The following ST6GALNAC3 variants were observed in gnomAD, a reference collection of about 807,000 sequenced individuals.
ST6GALNAC3 encodes the protein alpha-N-acetylgalactosaminide alpha-2,6-sialyltransferase 3.
Under a neutral mutation model 32.7 loss-of-function variants are expected in ST6GALNAC3, and 25 were observed. The ratio of observed to expected loss-of-function variants is 0.76; its 90% confidence interval spans 0.56 to 1.07. The LOEUF (loss-of-function observed/expected upper bound fraction) is 1.07. ST6GALNAC3 is among the 50% of genes least tolerant of loss of function. The pLI is 0.00. For synonymous variants in ST6GALNAC3, 129 were observed against 133.1 expected (o/e 0.97, Z 0.21); for missense variants, 355 against 382.4 (o/e 0.93, Z 0.60).
chr1:76,595,423 CT>C (rs1357883470), intron 3 of ST6GALNAC3, among the ~76,000 whole-genome samples: 1 of 152,136 alleles, frequency 6.6e-6, no homozygotes, highest in Non-Finnish European at 1.5e-5. Flanking sequence ...TATGCAGAGC[CT>C]TCTGACCTTT....
At chr1:76,364,755 G>GAAATCAAATCAAT (rs1210252331) in intron 2 of ST6GALNAC3, among the ~76,000 whole-genome samples, 1 of 152,070 alleles carries the variant, frequency 6.6e-6, no homozygotes, top group East Asian at 1.9e-4. Flanking sequence ...AATTATGAGA[G>GAAATCAAATCAAT]AAATGTAAAC....
At chr1:76,355,567 G>T (rs1325455564) in intron 2 of ST6GALNAC3, among the ~76,000 whole-genome samples, 1 of 152,192 alleles carries the variant, frequency 6.6e-6, no homozygotes, top group Non-Finnish European at 1.5e-5. Flanking sequence ...AGTAGCATCT[G>T]TAATGTGAAT....
At chr1:76,587,956 G>C (rs565968416) in intron 3 of ST6GALNAC3, among the ~76,000 whole-genome samples, 1 of 152,256 alleles carries the variant, frequency 6.6e-6, no homozygotes, top group African/African-American at 2.4e-5. Context: ...AGGGCACTAG[G>C]GGACCTATCC....
At chr1:76,269,689 C>T (rs952300711) in intron 1 of ST6GALNAC3, among the ~76,000 whole-genome samples, 6 of 152,138 alleles carry the variant, frequency 3.9e-5, no homozygotes, top group African/African-American at 1.4e-4. Flanking sequence ...AGTATAAGGC[C>T]ACATGCCATG....
chr1:76,412,442 A>G (rs1263989718), intron 3 of ST6GALNAC3, 25 bp downstream of exon 3: 1 of 1,552,512 alleles, frequency 6.4e-7, no homozygotes, highest in Non-Finnish European at 8.7e-7. Context: ...AAGCAGCTTT[A>G]TTGTCTTTTA....
At chr1:76,332,865 C>T (rs978147246) in intron 2 of ST6GALNAC3, among the ~76,000 whole-genome samples, 3 of 152,138 alleles carry the variant, frequency 2.0e-5, no homozygotes, top group Admixed American at 2.0e-4. Context: ...ACCTGGTAAA[C>T]TCCTTACCTT....
intron 3 of ST6GALNAC3, among the ~76,000 whole-genome samples, chr1:76,440,178 G>A (rs1424317774): frequency 6.6e-6 from 1 of 152,232 alleles, no homozygotes; most frequent in Admixed American, 6.5e-5. Context: ...GACGAAGCAT[G>A]GAAGTATGAA....
chr1:76,224,359 G>A lies in ST6GALNAC3; in HGVS notation c.19-89446G>A, dbSNP rs113726617. 5.3e-4 allele frequency among the ~76,000 whole-genome samples: 81 copies of A among 152,312 alleles called. 1 individual carries two copies. Among genetic ancestry groups the A allele is most frequent in the South Asian group, 4.6e-3 (22 of 4,826 alleles). On this transcript the variant is annotated intron_variant, in intron 1 of 4. Coordinates refer to ENST00000328299, the MANE Select transcript of ST6GALNAC3 (RefSeq NM_152996.4). ...CTATGCATTCCCAGCCCAGAGGAAG[G>A]TACTGGCCCAGAGTAAATGCTCATT...
intron 1 of ST6GALNAC3, among the ~76,000 whole-genome samples, chr1:76,118,511 T>G (rs6664446): frequency 0.21 from 32,362 of 152,114 alleles, 4,445 homozygotes; most frequent in African/African-American, 0.38. Context: ...TAGCAATTTT[T>G]CAGGGTTGGG....
rs397861238 is a variant in ST6GALNAC3 at position 76,478,760 on chromosome 1, CT to C, written c.623+66363del. On this transcript the variant is annotated intron_variant, in intron 3 of 4. Transcript: ENST00000328299. ...TATTCCTTCCCCTAGTTTATTAATTCTTTTTTTTTTTTTTTTTTTTGAGATG... is the reference window on the plus strand; with the variant it reads ...TATTCCTTCCCCTAGTTTATTAATTCTTTTTTTTTTTTTTTTTTTGAGATG... Among the ~76,000 whole-genome samples, 914 of 109,026 alleles carry C rather than the reference CT, an allele frequency of 8.4e-3. 3 individuals carry two copies. Among genetic ancestry groups the C allele is most frequent in the African/African-American group, 0.023 (622 of 26,926 alleles). The allele number at this position is 109,026 out of a possible 152,430, so 71.5% of individuals were successfully genotyped here.
chr1:76,543,272 G>A (rs191082824), intron 3 of ST6GALNAC3, among the ~76,000 whole-genome samples: 14 of 152,206 alleles, frequency 9.2e-5, no homozygotes, highest in Admixed American at 5.2e-4. Flanking sequence ...AGGGAAGGTC[G>A]GGAACTGGAA....
At chr1:76,169,136 G>A (rs1478218917) in intron 1 of ST6GALNAC3, among the ~76,000 whole-genome samples, 2 of 152,142 alleles carry the variant, frequency 1.3e-5, no homozygotes, top group African/African-American at 4.8e-5. Flanking sequence ...CTGTTGTAAG[G>A]TAGGTCTGGT....
At chr1:76,518,783 G>A (rs541406219) in intron 3 of ST6GALNAC3, among the ~76,000 whole-genome samples, 1 of 152,082 alleles carries the variant, frequency 6.6e-6, no homozygotes, top group South Asian at 2.1e-4. Context: ...GTGTCATTTA[G>A]TGGGGGCGCA....
intron 1 of ST6GALNAC3, among the ~76,000 whole-genome samples, chr1:76,122,233 G>A (rs1464836472): frequency 6.6e-6 from 1 of 152,194 alleles, no homozygotes; most frequent in East Asian, 1.9e-4. Flanking sequence ...TGAGTATGTA[G>A]AGGAAACCTG....
At chr1:76,259,068 C>G (rs1260946041) in intron 1 of ST6GALNAC3, among the ~76,000 whole-genome samples, 1 of 152,102 alleles carries the variant, frequency 6.6e-6, no homozygotes, top group Non-Finnish European at 1.5e-5. Flanking sequence ...TAAACAAAAC[C>G]TCGCTCACGA....
rs1193814239 is a variant in ST6GALNAC3 at position 76,342,020 on chromosome 1, C to T, written c.213+28021C>T. Among the ~76,000 whole-genome samples, 4 of 152,090 alleles carry T rather than the reference C, an allele frequency of 2.6e-5. No individual in the cohort carries two copies. In the East Asian group the frequency reaches 5.8e-4, roughly 22 times the overall value. ...TGATGGTTTCCAGCTTTATCCATGT[C>T]CCTGCAGAGGACATGAACTCATCCT... On this transcript the variant is annotated intron_variant, in intron 2 of 4. Coordinates refer to ENST00000328299, the MANE Select transcript of ST6GALNAC3 (RefSeq NM_152996.4).
chr1:76,195,704 C>T (rs2100520933), intron 1 of ST6GALNAC3, among the ~76,000 whole-genome samples: 1 of 152,322 alleles, frequency 6.6e-6, no homozygotes. Flanking sequence ...CTCACAAAGA[C>T]AGTTTTGACC....
intron 1 of ST6GALNAC3, among the ~76,000 whole-genome samples, chr1:76,119,806 A>C (rs140021925): frequency 0.98 from 148,700 of 151,944 alleles, 72,840 homozygotes; most frequent in East Asian, 1. Context: ...GATGATGATA[A>C]TAGATATATG....
chr1:76,472,085 A>T (rs1659067971), intron 3 of ST6GALNAC3, among the ~76,000 whole-genome samples: 1 of 152,158 alleles, frequency 6.6e-6, no homozygotes, highest in African/African-American at 2.4e-5. Flanking sequence ...ACTTTCAAGT[A>T]CAATAGAACA....
Sources: allele counts gnomAD v4.1 joint callset (sites outside exome capture counted in the v4.1 genomes callset), GRCh38; gene constraint gnomAD v4.1.1; transcripts MANE v1.5; gene names NCBI Gene and HGNC (gene_info 2026-07-23, HGNC 2026-07-21).